GALNTL6: variants seen among roughly 807,000 people sequenced by gnomAD.
GALNTL6 encodes the protein polypeptide N-acetylgalactosaminyltransferase like 6.
Under a neutral mutation model 73.7 loss-of-function variants are expected in GALNTL6, and 46 were observed. The ratio of observed to expected loss-of-function variants is 0.62; its 90% CI spans 0.49 to 0.80. The LOEUF (loss-of-function observed/expected upper bound fraction) is 0.80, where lower values mean the gene tolerates loss of function less well. GALNTL6 is among the 30% of genes least tolerant of loss of function. The probability of loss-of-function intolerance (pLI) is 0.00; values close to 1 mark genes in which losing one functional copy is unlikely to be tolerated. For synonymous variants in GALNTL6, 259 were observed against 263.7 expected (o/e 0.98, Z 0.17); for missense variants, 604 against 755.0 (o/e 0.80, Z 2.34).
At chr4:172,431,077 G>A (rs1312573434) in intron 5 of GALNTL6, among the ~76,000 whole-genome samples, 4 of 152,054 alleles carry the variant, frequency 2.6e-5, no homozygotes, top group African/African-American at 9.7e-5. Context: ...TGTTTATGAT[G>A]TGATATATGA....
chr4:171,896,068 G>A (rs976172105), intron 2 of GALNTL6, among the ~76,000 whole-genome samples: 1 of 152,038 alleles, frequency 6.6e-6, no homozygotes, highest in African/African-American at 2.4e-5. Flanking sequence ...CCTAACATAA[G>A]TGTCATTGGT....
At chr4:172,876,014 C>T (rs1325038598) in intron 7 of GALNTL6, among the ~76,000 whole-genome samples, 2 of 152,154 alleles carry the variant, frequency 1.3e-5, no homozygotes, top group African/African-American at 4.8e-5. Flanking sequence ...TCAGAACCAA[C>T]AACTTAATTG....
rs1753838502 is a variant in GALNTL6 at position 173,039,962 on chromosome 4, C to G, written c.1668C>G (p.Asn556Lys). The stretch of plus-strand genomic sequence containing the variant: ...GAACATTATTCCATCCTGTGAGCAA[C>G]AGCTGCATGGATTGCAACCCCGCAG... The part of the protein sequence containing the change: ...KDRTLFHPVS[N>K]SCMDCNPAEK... Residue 556 changes from asparagine (N) to lysine (K), a missense_variant, in exon 13 of 13, where the codon AAC becomes AAG. Around this residue, in one of 5 missense-constraint regions of GALNTL6, gnomAD observed 261 missense variants for 296.5 expected, o/e 0.88. Coordinates refer to ENST00000506823, the MANE Select transcript of GALNTL6 (RefSeq NM_001034845.3). The G allele has an allele frequency of 6.2e-7, 1 of 1,613,926 alleles. No individual in the cohort carries two copies. Among genetic ancestry groups the G allele is most frequent in the Non-Finnish European group, 8.5e-7 (1 of 1,179,860 alleles).
At chr4:172,521,523 C>G (rs1734774001) in intron 5 of GALNTL6, among the ~76,000 whole-genome samples, 1 of 152,126 alleles carries the variant, frequency 6.6e-6, no homozygotes. Context: ...AAAGAAGGTA[C>G]CCTTTAGAGC....
At chr4:172,282,640 T>C (rs1378403639) in intron 3 of GALNTL6, among the ~76,000 whole-genome samples, 1 of 147,732 alleles carries the variant, frequency 6.8e-6, no homozygotes, top group Non-Finnish European at 1.5e-5. Context: ...CACATTGTTA[T>C]GTGTGGAGAA....
intron 10 of GALNTL6, among the ~76,000 whole-genome samples, chr4:173,006,949 C>G (rs183200727): frequency 2.3e-4 from 35 of 152,310 alleles, no homozygotes; most frequent in Admixed American, 9.2e-4. Context: ...ATTACCTTGT[C>G]ATCAGGGACA....
chr4:172,694,060 G>T (rs1733495431), intron 5 of GALNTL6, among the ~76,000 whole-genome samples: 1 of 151,734 alleles, frequency 6.6e-6, no homozygotes, highest in Non-Finnish European at 1.5e-5. Flanking sequence ...CGTACTGAGG[G>T]CCAAGAAGTA....
chr4:172,019,964 G>T (rs1741345235), intron 2 of GALNTL6, among the ~76,000 whole-genome samples: 1 of 152,030 alleles, frequency 6.6e-6, no homozygotes, highest in South Asian at 2.1e-4. Context: ...ATAATATTAA[G>T]CATCTTTTCT....
intron 7 of GALNTL6, among the ~76,000 whole-genome samples, chr4:172,815,391 G>C (rs1279980355): frequency 5.9e-5 from 9 of 152,130 alleles, no homozygotes; most frequent in African/African-American, 1.9e-4. Flanking sequence ...CTGTTATTAG[G>C]TGCTGGCCCA....
intron 2 of GALNTL6, among the ~76,000 whole-genome samples, chr4:171,830,516 T>A (rs1245139507): frequency 6.6e-6 from 1 of 152,084 alleles, no homozygotes; most frequent in Non-Finnish European, 1.5e-5. Flanking sequence ...AAAATAAGAG[T>A]ATACACAATC....
intron 2 of GALNTL6, among the ~76,000 whole-genome samples, chr4:171,908,578 C>CA (rs1344971875): frequency 3.3e-5 from 5 of 151,776 alleles, no homozygotes; most frequent in African/African-American, 1.2e-4. Context: ...TTGTGGAAGT[C>CA]AGTGTGGCGA....
At chr4:172,365,315 G>A (rs924811562) in intron 5 of GALNTL6, among the ~76,000 whole-genome samples, 1 of 152,012 alleles carries the variant, frequency 6.6e-6, no homozygotes, top group African/African-American at 2.4e-5. Flanking sequence ...GCATGTCTCT[G>A]GTTGGGGAAG....
intron 8 of GALNTL6, among the ~76,000 whole-genome samples, chr4:172,893,341 G>GT (rs1746142678): frequency 7.2e-6 from 1 of 139,272 alleles, no homozygotes; most frequent in African/African-American, 2.9e-5. Flanking sequence ...TGTTCTGAGA[G>GT]TGGCGGGGGG....
chr4:172,289,066 T>C (rs1739369015), intron 3 of GALNTL6, among the ~76,000 whole-genome samples: 1 of 152,140 alleles, frequency 6.6e-6, no homozygotes, highest in African/African-American at 2.4e-5. Context: ...GTCTTATTTG[T>C]GGAAAAATAT....
At chr4:172,797,291 C>G (rs181132165) in intron 5 of GALNTL6, among the ~76,000 whole-genome samples, 1 of 152,032 alleles carries the variant, frequency 6.6e-6, no homozygotes, top group East Asian at 1.9e-4. Flanking sequence ...CTTGCTCTGT[C>G]CCGCAGGTTG....
intron 10 of GALNTL6, among the ~76,000 whole-genome samples, chr4:172,985,713 A>G (rs1233460664): frequency 6.6e-6 from 1 of 152,228 alleles, no homozygotes; most frequent in Non-Finnish European, 1.5e-5. Context: ...CTGTCCTTTT[A>G]TGCTGAGTCA....
At chr4:172,789,403 A>AT (rs1739866605) in intron 5 of GALNTL6, among the ~76,000 whole-genome samples, 1 of 152,204 alleles carries the variant, frequency 6.6e-6, no homozygotes, top group South Asian at 2.1e-4. Context: ...TTAAAATATT[A>AT]TGAGATTTTT....
At chr4:172,183,856 G>A (rs970659867) in intron 2 of GALNTL6, among the ~76,000 whole-genome samples, 3 of 148,796 alleles carry the variant, frequency 2.0e-5, no homozygotes, top group African/African-American at 7.4e-5. Context: ...GCAGTGGTGC[G>A]ATCTCAGCTC....
At chr4:172,294,862 G>A (rs753578973) in intron 3 of GALNTL6, among the ~76,000 whole-genome samples, 15 of 152,058 alleles carry the variant, frequency 9.9e-5, no homozygotes, top group Non-Finnish European at 2.2e-4. Flanking sequence ...CTTTTCAGAA[G>A]CCCACATAGA....
Sources: allele counts gnomAD v4.1 joint callset (sites outside exome capture counted in the v4.1 genomes callset), GRCh38; gene constraint gnomAD v4.1.1; regional missense constraint gnomAD v4.1.1; transcripts MANE v1.5; gene names NCBI Gene and HGNC (gene_info 2026-07-23, HGNC 2026-07-21).